The following GRID2 variants were observed in gnomAD, a reference collection of about 807,000 sequenced individuals.
The protein encoded by GRID2 is glutamate receptor ionotropic, delta-2.
In GRID2, 33 loss-of-function variants were observed where a neutral mutation model predicts 114.8. That is an observed-to-expected ratio of 0.29 (90% CI 0.22 to 0.38). GRID2 has a LOEUF of 0.38. Ranked by LOEUF, GRID2 falls within the 10% of genes least tolerant of loss-of-function variation. The probability of loss-of-function intolerance (pLI) is 1.00; values close to 1 mark genes in which losing one functional copy is unlikely to be tolerated. For synonymous variants in GRID2, 505 were observed against 449.9 expected (o/e 1.12, Z -1.55); for missense variants, 1,184 against 1,257.7 (o/e 0.94, Z 0.89).
intron 2 of GRID2, among the ~76,000 whole-genome samples, chr4:92,923,408 G>C (rs1031742212): frequency 6.6e-5 from 10 of 151,824 alleles, no homozygotes; most frequent in African/African-American, 2.4e-4. Flanking sequence ...CTTTATTGTT[G>C]TAATCTTTTA....
At chr4:93,689,474 A>G (rs17020986) in intron 14 of GRID2, among the ~76,000 whole-genome samples, 6 of 152,070 alleles carry the variant, frequency 3.9e-5, no homozygotes, top group Admixed American at 3.3e-4. Context: ...ATAAATTTGC[A>G]TAACAAAGAT....
At chr4:93,345,269 A>G (rs1376589510) in intron 8 of GRID2, among the ~76,000 whole-genome samples, 2 of 152,010 alleles carry the variant, frequency 1.3e-5, no homozygotes, top group Non-Finnish European at 2.9e-5. Context: ...TTAAATTTCC[A>G]CTAACAGTCT....
At chr4:92,794,901 T>TACACAC (rs1185891188) in intron 2 of GRID2, among the ~76,000 whole-genome samples, 1 of 136,720 alleles carries the variant, frequency 7.3e-6, no homozygotes, top group Non-Finnish European at 1.6e-5. Context: ...TATATATATA[T>TACACAC]ATATACACAC....
chr4:92,595,768 G>A (rs1385354921), intron 2 of GRID2, among the ~76,000 whole-genome samples: 1 of 151,948 alleles, frequency 6.6e-6, no homozygotes, highest in Non-Finnish European at 1.5e-5. Context: ...CAGGAAATTA[G>A]CACAGTCAGA....
At chr4:92,541,485 A>G (rs1725949382) in intron 1 of GRID2, among the ~76,000 whole-genome samples, 1 of 151,474 alleles carries the variant, frequency 6.6e-6, no homozygotes, top group South Asian at 2.1e-4. Flanking sequence ...CAATTTTCCA[A>G]TAATAATAAT....
intron 8 of GRID2, among the ~76,000 whole-genome samples, chr4:93,370,257 A>G (rs1207895085): frequency 6.6e-6 from 1 of 152,154 alleles, no homozygotes; most frequent in Non-Finnish European, 1.5e-5. Context: ...TACATAAAGG[A>G]AAAGCAACCT....
chr4:92,677,037 T>C lies in GRID2; in HGVS notation c.244+86751T>C, dbSNP rs145797576. Among the ~76,000 whole-genome samples the C allele has an allele frequency of 4.9e-4, 75 of 152,348 alleles. 1 individual carries two copies. The East Asian group carries it at 0.014, about 28-fold the overall frequency. On this transcript the variant is annotated intron_variant, in intron 2 of 15. Transcript: ENST00000282020. The stretch of plus-strand genomic sequence containing the variant: ...AAATCACAGAAAGACAAATATTATA[T>C]GTTTCTACTTATATGAGGTACCTAA...
chr4:93,094,224 T>C (rs1177568399), intron 3 of GRID2, among the ~76,000 whole-genome samples: 1 of 152,112 alleles, frequency 6.6e-6, no homozygotes, highest in African/African-American at 2.4e-5. Flanking sequence ...TAGTTGAATT[T>C]ATACTTCATG....
chr4:92,328,514 G>C (rs1726712008), intron 1 of GRID2, among the ~76,000 whole-genome samples: 1 of 152,070 alleles, frequency 6.6e-6, no homozygotes, highest in African/African-American at 2.4e-5. Context: ...AGCTTCTCAA[G>C]TAATCATGCC....
At chr4:93,543,801 C>G (rs570935409) in intron 13 of GRID2, among the ~76,000 whole-genome samples, 5 of 151,680 alleles carry the variant, frequency 3.3e-5, no homozygotes, top group African/African-American at 1.2e-4. Flanking sequence ...GCACAGCATC[C>G]TAAAGTCACA....
intron 14 of GRID2, among the ~76,000 whole-genome samples, chr4:93,660,283 G>C (rs552510802): frequency 6.6e-6 from 1 of 152,158 alleles, no homozygotes; most frequent in East Asian, 1.9e-4. Context: ...CCATTTTAAA[G>C]TGAAACCACA....
chr4:93,788,102 A>T (rs1355059204), intron 1 of GRID2, among the ~76,000 whole-genome samples: 1 of 152,106 alleles, frequency 6.6e-6, no homozygotes, highest in Non-Finnish European at 1.5e-5. Flanking sequence ...GGATCACCTG[A>T]GGTCAGGAGT....
intron 14 of GRID2, among the ~76,000 whole-genome samples, chr4:93,737,230 C>CACA (rs1291129946): frequency 6.6e-6 from 1 of 151,982 alleles, no homozygotes; most frequent in Non-Finnish European, 1.5e-5. Flanking sequence ...ATGGGTATTT[C>CACA]ACAACACGTT....
chr4:92,675,655 A>C (rs1319691401), intron 2 of GRID2, among the ~76,000 whole-genome samples: 2 of 151,434 alleles, frequency 1.3e-5, no homozygotes, highest in East Asian at 2.0e-4. Context: ...GGGTCATGCA[A>C]TTCTCCTGCT....
chr4:92,670,719 A>T (rs1243291247), intron 2 of GRID2, among the ~76,000 whole-genome samples: 1 of 152,114 alleles, frequency 6.6e-6, no homozygotes, highest in Non-Finnish European at 1.5e-5. Flanking sequence ...TGCTTTGCAT[A>T]TCTTAATTGT....
chr4:92,397,608 A>G (rs1024258722), intron 1 of GRID2, among the ~76,000 whole-genome samples: 2 of 152,132 alleles, frequency 1.3e-5, no homozygotes, highest in Non-Finnish European at 2.9e-5. Flanking sequence ...GCATAAAACA[A>G]CTATGTTACT....
chr4:93,601,013 G>T (rs1021751882), intron 13 of GRID2, among the ~76,000 whole-genome samples: 12 of 152,290 alleles, frequency 7.9e-5, no homozygotes, highest in Non-Finnish European at 1.6e-4. Flanking sequence ...TGCCCAGAGG[G>T]TGAGGAAGAG....
At chr4:92,456,626 A>T (rs982716230) in intron 1 of GRID2, among the ~76,000 whole-genome samples, 5 of 152,124 alleles carry the variant, frequency 3.3e-5, no homozygotes, top group African/African-American at 9.7e-5. Flanking sequence ...AAAACAAAAG[A>T]TCTAATCTAA....
At chr4:93,120,566 A>G (rs1733688609) in intron 4 of GRID2, among the ~76,000 whole-genome samples, 1 of 152,114 alleles carries the variant, frequency 6.6e-6, no homozygotes. Context: ...GGGCACAGGG[A>G]GGGGAGCATC....
Sources: allele counts gnomAD v4.1 joint callset (sites outside exome capture counted in the v4.1 genomes callset), GRCh38; gene constraint gnomAD v4.1.1; transcripts MANE v1.5; gene names NCBI Gene and HGNC (gene_info 2026-07-23, HGNC 2026-07-21).